The following CCR3 variants were observed in gnomAD, a reference collection of about 807,000 sequenced individuals.
CCR3 encodes the protein C-C motif chemokine receptor 3, also known as C-C chemokine receptor type 3.
For synonymous variants in CCR3, 203 were observed against 179.2 expected (o/e 1.13, Z -1.06); for missense variants, 419 against 437.5 (o/e 0.96, Z 0.38).
chr3:46,243,610 A>C (rs1010364542), intron 1 of CCR3, among the ~76,000 whole-genome samples: 3 of 152,200 alleles, frequency 2.0e-5, no homozygotes, highest in Non-Finnish European at 4.4e-5. Flanking sequence ...AAGTACTTCA[A>C]GTGAGAGTGG....
chr3:46,246,808 A>G (rs903315125), intron 1 of CCR3, among the ~76,000 whole-genome samples: 8 of 152,096 alleles, frequency 5.3e-5, no homozygotes, highest in Non-Finnish European at 1.2e-4. Flanking sequence ...GGAGGGTGGT[A>G]TGGAGAGAGA....
intron 2 of CCR3, among the ~76,000 whole-genome samples, chr3:46,221,191 T>G (rs1188458126): frequency 6.6e-6 from 1 of 151,860 alleles, no homozygotes; most frequent in East Asian, 1.9e-4. Flanking sequence ...ATATCAGGCA[T>G]GTTGTGCCTG....
intron 2 of CCR3, among the ~76,000 whole-genome samples, chr3:46,220,113 A>G (rs1699819488): frequency 6.6e-6 from 1 of 152,240 alleles, no homozygotes; most frequent in African/African-American, 2.4e-5. Context: ...GTGAATATCC[A>G]GAATTTACAA....
chr3:46,265,841 G>A lies in CCR3; in HGVS notation c.683G>A (p.Arg228Lys), dbSNP rs1225315487. The change falls in exon 2 of 2, where the codon AGG (arginine) becomes AAG (lysine). Residue 228 changes from arginine (R) to lysine (K), a missense_variant. Physicochemically the swap from Arg to Lys is conservative, Grantham distance 26. Transcript: ENST00000395940. Reference protein sequence around the residue: ...CYTGIIKTLLRCPSKKKYKAI... With the variant: ...CYTGIIKTLLKCPSKKKYKAI... ...ACAGGAATCATCAAAACGCTGCTGA[G>A]GTGCCCCAGTAAAAAAAAGTACAAG... The A allele has an allele frequency of 3.7e-6, 6 of 1,613,888 alleles. No individual in the cohort carries two copies. The highest frequency in any genetic ancestry group is 2.2e-5 in the East Asian group (1 of 44,874).
At position 46,265,825 on chromosome 3, in the gene CCR3, A is replaced by C; in HGVS notation, c.667A>C (p.Ile223Leu). 6.2e-7 allele frequency: 1 copy of C among 1,614,004 alleles called. No homozygotes were observed. Residue 223 changes from isoleucine to leucine, a missense_variant, in exon 2 of 2, where the codon ATC (isoleucine) becomes CTC (leucine). Ile to Leu is a conservative substitution (Grantham distance 5). Transcript: ENST00000395940. ...LVMAICYTGI[I>L]KTLLRCPSKK... ...TATGGCCATCTGCTACACAGGAATC[A>C]TCAAAACGCTGCTGAGGTGCCCCAG...
At chr3:46,249,627 G>C (rs1462706146) in intron 1 of CCR3, among the ~76,000 whole-genome samples, 1 of 152,202 alleles carries the variant, frequency 6.6e-6, no homozygotes, top group East Asian at 1.9e-4. Flanking sequence ...AGAGTTCCAG[G>C]GGCTCTGGGA....
At chr3:46,232,445 G>A (rs1476990279) in intron 2 of CCR3, among the ~76,000 whole-genome samples, 22 of 152,336 alleles carry the variant, frequency 1.4e-4, no homozygotes, top group Non-Finnish European at 8.8e-5. Flanking sequence ...ATCCTAGACT[G>A]TTCTGCAGCC....
At chr3:46,217,150 G>A (rs763467325) in intron 2 of CCR3, among the ~76,000 whole-genome samples, 2 of 152,112 alleles carry the variant, frequency 1.3e-5, no homozygotes, top group African/African-American at 2.4e-5. Flanking sequence ...CCAAAAGCAA[G>A]CAATAGTAGC....
In CCR3 at chr3:46,242,916, T is replaced by C. The variant is rs1575496420; in HGVS notation, c.-12+378T>C. ...ACACTTAATAGCTTGTGTTTATTTA[T>C]ATTGACTTGTAAGAAATAGCAAAAA... On this transcript the variant is annotated intron_variant, in intron 1 of 1. Transcript: ENST00000395940. 2.0e-5 allele frequency among the ~76,000 whole-genome samples: 3 copies of C among 149,856 alleles called. No individual in the cohort carries two copies. In the East Asian group the frequency reaches 5.9e-4, roughly 29 times the overall value.
At chr3:46,237,432 T>G (rs546397736) in intron 2 of CCR3, among the ~76,000 whole-genome samples, 1 of 152,372 alleles carries the variant, frequency 6.6e-6, no homozygotes, top group South Asian at 2.1e-4. Flanking sequence ...CAGAAGCTTT[T>G]TAGTTTAATA....
At chr3:46,252,169 C>CT (rs58623050) in intron 1 of CCR3, among the ~76,000 whole-genome samples, 5,765 of 86,846 alleles carry the variant, frequency 0.066, 369 homozygotes, top group East Asian at 0.13. Context: ...TAGTTTCTGT[C>CT]TTTTTTTTTT....
rs185853534 is a variant in CCR3, at chr3:46,266,467, C to T, written c.*241C>T. 3.1e-4 allele frequency: 130 copies of T among 419,140 alleles called. 1 individual carries two copies. The Admixed American group carries it at 5.0e-3, about 16-fold the overall frequency. 26.0% of individuals were successfully genotyped at this position (419,140 alleles called of 1,614,324 possible). ...CCCTAAAAAGCAGAGCTTTGCTTCT[C>T]TCTCTAAAATGAGTTACCTACATTT... is the stretch of plus-strand genomic sequence containing the variant. On this transcript the variant is annotated 3_prime_UTR_variant, in exon 2 of 2. Coordinates refer to ENST00000395940, the MANE Select transcript of CCR3 (RefSeq NM_178329.3).
intron 2 of CCR3, among the ~76,000 whole-genome samples, chr3:46,222,204 A>T (rs1212371273): frequency 6.6e-6 from 1 of 152,124 alleles, no homozygotes; most frequent in African/African-American, 2.4e-5. Context: ...ACCAATCCAT[A>T]TCAACACAGC....
intron 1 of CCR3, among the ~76,000 whole-genome samples, chr3:46,246,755 TAAAAC>T (rs1314680280): frequency 2.0e-5 from 3 of 152,024 alleles, no homozygotes; most frequent in African/African-American, 4.8e-5. Flanking sequence ...ATAAGAAAAA[TAAAAC>T]AAAATAGTGT....
chr3:46,238,607 C>T (rs78369728), upstream of CCR3, among the ~76,000 whole-genome samples: 1,348 of 152,262 alleles, frequency 8.9e-3, 12 homozygotes, highest in Middle Eastern at 0.041. Flanking sequence ...AGTGCTTTAG[C>T]AATAACCTGA....
rs1553644085 is a variant in CCR3 at position 46,242,982 on chromosome 3, C to CATATATATATATATATATACACAT, written c.-12+463_-12+464insCACATATATATATATATATATATA. Among the ~76,000 whole-genome samples the CATATATATATATATATATACACAT allele has an allele frequency of 5.3e-4, 53 of 99,312 alleles. 1 individual carries two copies. Among genetic ancestry groups the CATATATATATATATATATACACAT allele is most frequent in the African/African-American group, 2.3e-3 (51 of 21,748 alleles). The allele number at this position is 99,312 out of a possible 152,430, so 65.2% of individuals were successfully genotyped here. A position where few individuals can be genotyped will look rare whatever the true frequency, so the allele number is the denominator to read the frequency against. On this transcript the variant is annotated intron_variant, in intron 1 of 1. Transcript: ENST00000395940. ...ATATGTGTATATATATATATATACACATATATATATATATATATATACGCA... is the reference window on the plus strand; with the variant it reads ...ATATGTGTATATATATATATATACACATATATATATATATATATACACATATATATATATATATATATATACGCA...
chr3:46,249,310 C>A (rs892678694), intron 1 of CCR3, among the ~76,000 whole-genome samples: 1 of 152,004 alleles, frequency 6.6e-6, no homozygotes, highest in African/African-American at 2.4e-5. Context: ...GTGGGGATAA[C>A]TAAAAAAGAG....
At chr3:46,250,348 A>G (rs1700280966) in intron 1 of CCR3, among the ~76,000 whole-genome samples, 1 of 151,966 alleles carries the variant, frequency 6.6e-6, no homozygotes, top group Non-Finnish European at 1.5e-5. Flanking sequence ...AGGAGGGGAG[A>G]GGTCAGATGG....
chr3:46,217,878 T>G (rs192286497), intron 2 of CCR3, among the ~76,000 whole-genome samples: 92 of 151,280 alleles, frequency 6.1e-4, no homozygotes, highest in African/African-American at 2.2e-3. Flanking sequence ...ACAGCACAAA[T>G]AGACACCTAA....
Sources: allele counts gnomAD v4.1 joint callset (sites outside exome capture counted in the v4.1 genomes callset), GRCh38; gene constraint gnomAD v4.1.1; transcripts MANE v1.5; gene names NCBI Gene and HGNC (gene_info 2026-07-23, HGNC 2026-07-21).